Variants in NAALADL2 observed in about 807,000 individuals in gnomAD.
NAALADL2 encodes inactive N-acetylated-alpha-linked acidic dipeptidase-like protein 2.
A neutral mutation model predicts 87.2 loss-of-function variants in NAALADL2; 76 were observed. That is an observed-to-expected ratio of 0.87 (90% CI 0.72 to 1.05). NAALADL2 has a LOEUF of 1.05. Among genes scored for constraint, NAALADL2 ranks in the 50% least tolerant of loss-of-function variants. The pLI is 0.00. For synonymous variants in NAALADL2, 354 were observed against 331.0 expected, an observed-to-expected ratio of 1.07 and a Z score of -0.75; for missense variants, 1,089 against 945.8, an observed-to-expected ratio of 1.15 and a Z score of -1.99.
intron 1 of NAALADL2, among the ~76,000 whole-genome samples, chr3:175,058,437 C>T (rs1187416594): frequency 6.6e-6 from 1 of 152,114 alleles, no homozygotes; most frequent in Non-Finnish European, 1.5e-5. Flanking sequence ...GAACAAGTCT[C>T]TATTTTACTG....
intron 2 of NAALADL2, among the ~76,000 whole-genome samples, chr3:174,694,703 A>G (rs886703998): frequency 2.0e-5 from 3 of 152,196 alleles, no homozygotes; most frequent in Admixed American, 6.5e-5. Flanking sequence ...GACTCTTTAT[A>G]CATGAGAATG....
chr3:175,004,493 T>C (rs79279761), intron 1 of NAALADL2, among the ~76,000 whole-genome samples: 3,693 of 150,478 alleles, frequency 0.025, 126 homozygotes, highest in East Asian at 0.17. Flanking sequence ...TCAGGTATTG[T>C]GGGGATGCTA....
At chr3:174,907,230 A>T (rs938411958) in intron 1 of NAALADL2, among the ~76,000 whole-genome samples, 1 of 149,514 alleles carries the variant, frequency 6.7e-6, no homozygotes, top group African/African-American at 2.5e-5. Context: ...TCTGGAGATC[A>T]GCCCTTTTGT....
intron 3 of NAALADL2, among the ~76,000 whole-genome samples, chr3:174,829,103 G>T (rs905712047): frequency 3.8e-4 from 39 of 103,916 alleles, no homozygotes; most frequent in African/African-American, 1.1e-3. Flanking sequence ...TTTTTTTGTT[G>T]TTGTTGTTGT....
intron 3 of NAALADL2, among the ~76,000 whole-genome samples, chr3:174,811,419 G>A (rs929007930): frequency 2.0e-5 from 3 of 152,172 alleles, no homozygotes; most frequent in African/African-American, 7.2e-5. Flanking sequence ...TGCCCTGGAT[G>A]TGAGACATAG....
At chr3:174,926,776 G>A (rs1736108899) in intron 1 of NAALADL2, among the ~76,000 whole-genome samples, 1 of 152,078 alleles carries the variant, frequency 6.6e-6, no homozygotes, top group South Asian at 2.1e-4. Context: ...GATCATCGAT[G>A]CTAGGAAGAA....
intron 9 of NAALADL2, among the ~76,000 whole-genome samples, chr3:175,571,857 G>T (rs1027140333): frequency 2.0e-5 from 3 of 152,110 alleles, no homozygotes; most frequent in African/African-American, 7.2e-5. Context: ...GGGCAAATTG[G>T]GTTATCTGAC....
At chr3:174,586,245 A>C (rs994793572) in intron 2 of NAALADL2, among the ~76,000 whole-genome samples, 1 of 152,204 alleles carries the variant, frequency 6.6e-6, no homozygotes. Context: ...GATGGTATTC[A>C]GTTGTACAGG....
At chr3:175,026,744 A>G (rs1752279175) in intron 1 of NAALADL2, among the ~76,000 whole-genome samples, 1 of 152,066 alleles carries the variant, frequency 6.6e-6, no homozygotes, top group African/African-American at 2.4e-5. Flanking sequence ...AGTGAGGGGA[A>G]AAGACTGTGT....
intron 2 of NAALADL2, among the ~76,000 whole-genome samples, chr3:175,148,930 A>G (rs1247899657): frequency 6.6e-6 from 1 of 152,150 alleles, no homozygotes; most frequent in Non-Finnish European, 1.5e-5. Flanking sequence ...TTGACTATTC[A>G]GGCTCTTTTT....
intron 3 of NAALADL2, among the ~76,000 whole-genome samples, chr3:175,249,154 A>G (rs755732737): frequency 2.0e-5 from 3 of 152,122 alleles, no homozygotes; most frequent in Non-Finnish European, 4.4e-5. Context: ...ATCAGTTTGA[A>G]AAGTTTTCAT....
chr3:175,787,504 C>G (rs1280751883), intron 13 of NAALADL2, among the ~76,000 whole-genome samples: 1 of 152,170 alleles, frequency 6.6e-6, no homozygotes, highest in Non-Finnish European at 1.5e-5. Flanking sequence ...CTTTCTTTGA[C>G]TCGGAAAGGG....
intron 5 of NAALADL2, among the ~76,000 whole-genome samples, chr3:175,367,393 A>C (rs1386391943): frequency 2.0e-5 from 3 of 151,494 alleles, no homozygotes; most frequent in Non-Finnish European, 1.5e-5. Flanking sequence ...CGATTCTGTG[A>C]AGAAAGTCAT....
chr3:175,637,445 C>T (rs532693354), intron 11 of NAALADL2, among the ~76,000 whole-genome samples: 2 of 152,278 alleles, frequency 1.3e-5, no homozygotes, highest in Admixed American at 1.3e-4. Context: ...AATTGATGCC[C>T]AGTGTTGGAG....
At chr3:175,133,064 C>T (rs7622337) in intron 2 of NAALADL2, among the ~76,000 whole-genome samples, 44,244 of 142,030 alleles carry the variant, frequency 0.31, 7,754 homozygotes, top group East Asian at 0.44. Context: ...GGGGCAGAGG[C>T]GCTCCCCACA....
intron 3 of NAALADL2, among the ~76,000 whole-genome samples, chr3:175,252,206 A>C (rs1311046955): frequency 6.6e-6 from 1 of 152,210 alleles, no homozygotes; most frequent in Non-Finnish European, 1.5e-5. Context: ...AGGTCACGGC[A>C]ACCCTGCATT....
chr3:175,107,732 A>G (rs1723455058), intron 2 of NAALADL2, among the ~76,000 whole-genome samples: 1 of 151,472 alleles, frequency 6.6e-6, no homozygotes, highest in Admixed American at 6.6e-5. Flanking sequence ...AATGTTCATT[A>G]TTATATTTAT....
At chr3:175,303,197 T>C (rs1056831444) in intron 4 of NAALADL2, among the ~76,000 whole-genome samples, 3 of 152,122 alleles carry the variant, frequency 2.0e-5, no homozygotes, top group Admixed American at 6.6e-5. Context: ...GACAAGTTAC[T>C]TAAATTTTTG....
intron 9 of NAALADL2, among the ~76,000 whole-genome samples, chr3:175,567,584 T>C (rs1717379650): frequency 6.6e-6 from 1 of 152,154 alleles, no homozygotes; most frequent in African/African-American, 2.4e-5. Context: ...ACTAGAAGAT[T>C]AGCAATTTTT....
Sources: allele counts gnomAD v4.1 joint callset (sites outside exome capture counted in the v4.1 genomes callset), GRCh38; gene constraint gnomAD v4.1.1; transcripts MANE v1.5; gene names NCBI Gene and HGNC (gene_info 2026-07-23, HGNC 2026-07-21).